RBPMS: variants seen among roughly 807,000 people sequenced by gnomAD.
RBPMS encodes the protein RNA binding protein, mRNA processing factor.
A neutral mutation model predicts 26.8 loss-of-function variants in RBPMS; 7 were observed. The ratio of observed to expected loss-of-function variants is 0.26; its 90% CI spans 0.15 to 0.49. The LOEUF is 0.49. Ranked by LOEUF, RBPMS falls within the 20% of genes least tolerant of loss-of-function variation. RBPMS has a pLI of 0.98. For synonymous variants in RBPMS, 96 were observed against 93.3 expected, an observed-to-expected ratio of 1.03 and a Z score of -0.17; for missense variants, 186 against 250.0, an observed-to-expected ratio of 0.74 and a Z score of 1.73.
intron 8 of RBPMS, among the ~76,000 whole-genome samples, chr8:30,568,202 G>T (rs1034619586): frequency 6.6e-6 from 1 of 152,214 alleles, no homozygotes; most frequent in Non-Finnish European, 1.5e-5. Context: ...TTTGCCACAT[G>T]ATGGCCCATG....
chr8:30,452,425 G>C (rs1293057898), intron 1 of RBPMS, among the ~76,000 whole-genome samples: 2 of 152,152 alleles, frequency 1.3e-5, no homozygotes, highest in Non-Finnish European at 2.9e-5. Context: ...GGTGTTGGAG[G>C]TAGAATATCA....
chr8:30,545,966 C>T (rs1471907139), intron 6 of RBPMS, among the ~76,000 whole-genome samples: 1 of 152,210 alleles, frequency 6.6e-6, no homozygotes, highest in African/African-American at 2.4e-5. Flanking sequence ...GTGCCTTTGG[C>T]TTCTCCTTCC....
chr8:30,526,314 C>T (rs1272009957), intron 5 of RBPMS, among the ~76,000 whole-genome samples: 2 of 152,220 alleles, frequency 1.3e-5, no homozygotes, highest in Non-Finnish European at 2.9e-5. Flanking sequence ...AAATTAGCTG[C>T]TTGTCCTTCA....
intron 1 of RBPMS, among the ~76,000 whole-genome samples, chr8:30,448,262 T>C (rs1343701007): frequency 6.6e-6 from 1 of 152,244 alleles, no homozygotes; most frequent in Non-Finnish European, 1.5e-5. Flanking sequence ...ATTTGACATT[T>C]TTCACATGCC....
At chr8:30,446,041 A>G (rs1174704685) in intron 1 of RBPMS, among the ~76,000 whole-genome samples, 4 of 152,190 alleles carry the variant, frequency 2.6e-5, no homozygotes, top group Non-Finnish European at 4.4e-5. Flanking sequence ...TGGTACATGA[A>G]AAACAACTTG....
intron 8 of RBPMS, among the ~76,000 whole-genome samples, chr8:30,566,574 C>T (rs998534574): frequency 6.6e-6 from 1 of 152,204 alleles, no homozygotes; most frequent in Non-Finnish European, 1.5e-5. Flanking sequence ...AGCCCATCAC[C>T]CCAGTATTTG....
At chr8:30,514,992 A>G (rs1822154424) in intron 5 of RBPMS, among the ~76,000 whole-genome samples, 1 of 152,014 alleles carries the variant, frequency 6.6e-6, no homozygotes, top group East Asian at 1.9e-4. Context: ...AATCTTTTTT[A>G]GTTTTTACTT....
Position 30,513,319 on chromosome 8 carries a change from G to A in RBPMS, c.397+8883G>A, listed in dbSNP as rs765137797. 7.0e-4 allele frequency among the ~76,000 whole-genome samples: 106 copies of A among 152,108 alleles called. 1 individual carries two copies. Among genetic ancestry groups the A allele is most frequent in the Non-Finnish European group, 2.1e-4 (14 of 67,978 alleles). ...TAACAGGAACTCAGGTGCCAGGCACGGTAGCTCACACCTGAAATCCAGCAC... is the reference window on the plus strand; with the variant it reads ...TAACAGGAACTCAGGTGCCAGGCACAGTAGCTCACACCTGAAATCCAGCAC... On this transcript the variant is annotated intron_variant, in intron 5 of 8. Transcript: ENST00000397323.
chr8:30,499,320 C>A (rs749874014), intron 4 of RBPMS, among the ~76,000 whole-genome samples: 11 of 152,056 alleles, frequency 7.2e-5, no homozygotes, highest in Non-Finnish European at 1.6e-4. Flanking sequence ...TTGGCAACTA[C>A]AATAGTAACA....
In RBPMS at chr8:30,532,192, G is replaced by A. The variant is rs575953645; in HGVS notation, c.398-12302G>A. 1.4e-4 allele frequency among the ~76,000 whole-genome samples: 21 copies of A among 152,260 alleles called. No individual in the cohort carries two copies. In the South Asian group the frequency reaches 3.9e-3, roughly 29 times the overall value. On this transcript the variant is annotated intron_variant, in intron 5 of 8. Coordinates refer to ENST00000397323, the MANE Select transcript of RBPMS (RefSeq NM_001008710.3). ...CTGAACAATATGTCTGAGGCACGAAGAATGAGGAAGAAACAGTTAAACATG... is the reference window on the plus strand; with the variant it reads ...CTGAACAATATGTCTGAGGCACGAAAAATGAGGAAGAAACAGTTAAACATG...
intron 3 of RBPMS, among the ~76,000 whole-genome samples, chr8:30,478,523 CG>C (rs1817934662): frequency 7.1e-6 from 1 of 141,706 alleles, no homozygotes. Flanking sequence ...TTTTTTGAGA[CG>C]GAGTCTCACT....
At chr8:30,561,071 CT>C (rs1827437211) in intron 7 of RBPMS, among the ~76,000 whole-genome samples, 1 of 152,172 alleles carries the variant, frequency 6.6e-6, no homozygotes, top group African/African-American at 2.4e-5. Flanking sequence ...GTAATTGTCT[CT>C]TAAATGTCCT....
rs186321127 is a variant in RBPMS, at chr8:30,550,526, A to G, written c.528+5902A>G. On this transcript the variant is annotated intron_variant, in intron 6 of 8. Transcript: ENST00000397323. ...CCTAAGCTACCCACAAGGCCGTGAC[A>G]GTTAAGACACAGGATGGCCAGCACA... 8.5e-4 allele frequency among the ~76,000 whole-genome samples: 130 copies of G among 152,356 alleles called. 2 individuals carry two copies. Among genetic ancestry groups the G allele is most frequent in the Admixed American group, 8.2e-3 (125 of 15,310 alleles).
chr8:30,554,042 C>T (rs1358407414), intron 6 of RBPMS, among the ~76,000 whole-genome samples: 2 of 152,250 alleles, frequency 1.3e-5, no homozygotes, highest in Non-Finnish European at 2.9e-5. Context: ...TCCCGAAGTG[C>T]TGGGATTACA....
At chr8:30,495,519 A>G (rs1425292265) in intron 4 of RBPMS, among the ~76,000 whole-genome samples, 1 of 152,140 alleles carries the variant, frequency 6.6e-6, no homozygotes, top group African/African-American at 2.4e-5. Context: ...ACAGGCAAAC[A>G]TGTTTTCAAA....
At chr8:30,457,720 G>A (rs1815395092) in intron 1 of RBPMS, among the ~76,000 whole-genome samples, 1 of 151,510 alleles carries the variant, frequency 6.6e-6, no homozygotes, top group Non-Finnish European at 1.5e-5. Context: ...TGAGTAGCTG[G>A]GATTACAGGC....
At chr8:30,446,717 ACCT>A (rs751098647) in intron 1 of RBPMS, among the ~76,000 whole-genome samples, 18 of 148,482 alleles carry the variant, frequency 1.2e-4, no homozygotes, top group Non-Finnish European at 2.1e-4. Flanking sequence ...TGTAGTCTCA[ACCT>A]CCTGGGCTCA....
At position 30,485,281 on chromosome 8, in the gene RBPMS, G is replaced by A. The variant is rs141032407; in HGVS notation, c.246+5904G>A. On this transcript the variant is annotated intron_variant, in intron 4 of 8. Transcript: ENST00000397323. ...ATTTCCACCAAACAAAACATTTTAC[G>A]AATATAAGCATCCAGATGGCCTATC... is the stretch of plus-strand genomic sequence containing the variant. 1.3e-3 allele frequency among the ~76,000 whole-genome samples: 203 copies of A among 152,246 alleles called. 2 individuals carry two copies. The highest frequency in any genetic ancestry group is 0.012 in the South Asian group (59 of 4,822).
chr8:30,416,751 G>A (rs1394945133), intron 1 of RBPMS, among the ~76,000 whole-genome samples: 1 of 151,644 alleles, frequency 6.6e-6, no homozygotes, highest in Admixed American at 6.6e-5. Flanking sequence ...GGGATTACAG[G>A]TGTGAGCCAC....
Sources: allele counts gnomAD v4.1 joint callset (sites outside exome capture counted in the v4.1 genomes callset), GRCh38; gene constraint gnomAD v4.1.1; transcripts MANE v1.5; gene names NCBI Gene and HGNC (gene_info 2026-07-23, HGNC 2026-07-21).